The following EPHA7 variants were observed in gnomAD, a reference collection of about 807,000 sequenced individuals.
The protein encoded by EPHA7 is ephrin type-A receptor 7.
EPHA7 carries 25 observed loss-of-function variants against 112.6 expected under a neutral mutation model. The observed-to-expected ratio is 0.22, with a 90% CI of 0.16 to 0.31. The LOEUF is 0.31. Ranked by LOEUF, EPHA7 falls within the 10% of genes least tolerant of loss-of-function variation. EPHA7 has a pLI of 1.00. For missense variants in EPHA7, 962 were observed against 1,212.6 expected (o/e 0.79, Z 3.07); for synonymous variants, 437 against 406.5 (o/e 1.07, Z -0.90).
intron 3 of EPHA7, among the ~76,000 whole-genome samples, chr6:93,393,993 T>C (rs1778038597): frequency 7.2e-6 from 1 of 139,298 alleles, no homozygotes; most frequent in South Asian, 2.3e-4. Context: ...CTTATACAAA[T>C]TATCTCCATA....
intron 5 of EPHA7, among the ~76,000 whole-genome samples, chr6:93,332,022 G>T (rs1372384856): frequency 6.6e-6 from 1 of 151,588 alleles, no homozygotes; most frequent in Non-Finnish European, 1.5e-5. Context: ...ACCTGACATT[G>T]TTAGGTGCTT....
intron 1 of EPHA7, among the ~76,000 whole-genome samples, chr6:93,417,821 C>T (rs376109764): frequency 1.1e-4 from 16 of 152,158 alleles, no homozygotes; most frequent in African/African-American, 3.9e-4. Flanking sequence ...ACGGGGTTCT[C>T]TGAATGGGTT....
rs1007266319 is a variant in EPHA7 at position 93,333,953 on chromosome 6, T to C, written c.1324+22764A>G. On this transcript the variant is annotated intron_variant, in intron 5 of 16. Transcript: ENST00000369303. ...ATAATTAGATAATACCATTTCAAAA[T>C]TCATATGAACCAAAAAAGAGCTGAC... 3.9e-5 allele frequency among the ~76,000 whole-genome samples: 6 copies of C among 152,040 alleles called. No individual in the cohort carries two copies. In the East Asian group the frequency reaches 5.8e-4, roughly 15 times the overall value.
intron 15 of EPHA7, among the ~76,000 whole-genome samples, chr6:93,245,741 T>C (rs538780514): frequency 6.6e-6 from 1 of 152,332 alleles, no homozygotes; most frequent in African/African-American, 2.4e-5. Flanking sequence ...TAATTGTTCA[T>C]TTGCTTTTCC....
At chr6:93,311,873 T>A (rs1773560419) in intron 5 of EPHA7, among the ~76,000 whole-genome samples, 1 of 152,176 alleles carries the variant, frequency 6.6e-6, no homozygotes, top group Non-Finnish European at 1.5e-5. Context: ...TTAGCAGGCA[T>A]GACAATAATA....
At chr6:93,289,749 T>G (rs576612574) in intron 5 of EPHA7, among the ~76,000 whole-genome samples, 1 of 152,242 alleles carries the variant, frequency 6.6e-6, no homozygotes, top group Non-Finnish European at 1.5e-5. Flanking sequence ...ACATTTTGTC[T>G]GCATGCCTAA....
At chr6:93,276,450 C>A (rs1400443611) in intron 5 of EPHA7, among the ~76,000 whole-genome samples, 1 of 152,002 alleles carries the variant, frequency 6.6e-6, no homozygotes, top group Admixed American at 6.6e-5. Context: ...AGTGGATCTT[C>A]CCCAGAGTTT....
At chr6:93,255,743 G>C in intron 13 of EPHA7, 85 bp downstream of exon 13, 1 of 1,231,462 alleles carries the variant, frequency 8.1e-7, no homozygotes, top group Non-Finnish European at 1.2e-6. Context: ...CATTTCTCCT[G>C]TTTAGTTTTA....
chr6:93,348,425 T>C (rs1461429642), intron 5 of EPHA7, among the ~76,000 whole-genome samples: 1 of 151,856 alleles, frequency 6.6e-6, no homozygotes, highest in East Asian at 1.9e-4. Context: ...CTGATCTCTG[T>C]GCTTCTACAT....
intron 3 of EPHA7, among the ~76,000 whole-genome samples, chr6:93,384,277 T>C (rs1342435210): frequency 3.3e-5 from 5 of 152,098 alleles, no homozygotes; most frequent in Admixed American, 3.3e-4. Flanking sequence ...AGCAACAGGA[T>C]CTTAGCTCAG....
Position 93,269,388 on chromosome 6 carries a change from T to C in EPHA7, c.1633+89A>G. On this transcript the variant is annotated intron_variant, in intron 7 of 16. Coordinates refer to ENST00000369303, the MANE Select transcript of EPHA7 (RefSeq NM_004440.4). ...TTATTTGTAAATGTAAAAATTATGATGGTGCAAATGATCACCTCAATATTG... is the reference window on the plus strand; with the variant it reads ...TTATTTGTAAATGTAAAAATTATGACGGTGCAAATGATCACCTCAATATTG... 3 of 988,754 alleles carry C rather than the reference T, an allele frequency of 3.0e-6. No individual in the cohort carries two copies. The South Asian group carries it at 5.7e-5, about 19-fold the overall frequency. The allele number at this position is 988,754 out of a possible 1,614,324, so 61.2% of individuals were successfully genotyped here.
intron 5 of EPHA7, among the ~76,000 whole-genome samples, chr6:93,276,703 ATAAC>A (rs1311538651): frequency 1.3e-5 from 2 of 152,138 alleles, no homozygotes; most frequent in African/African-American, 4.8e-5. Context: ...GCATATTTAA[ATAAC>A]GTGATATTAA....
At chr6:93,352,526 T>C (rs77946184) in intron 5 of EPHA7, among the ~76,000 whole-genome samples, 4,049 of 152,194 alleles carry the variant, frequency 0.027, 179 homozygotes, top group African/African-American at 0.093. Context: ...TCTGAATGAA[T>C]CATTCTTCAG....
chr6:93,356,344 A>T (rs1775945719), intron 5 of EPHA7, among the ~76,000 whole-genome samples: 1 of 151,924 alleles, frequency 6.6e-6, no homozygotes, highest in African/African-American at 2.4e-5. Context: ...AGTAACTGGG[A>T]CTACAGGTGT....
At position 93,259,385 on chromosome 6, in the gene EPHA7, G is replaced by A; in HGVS notation, c.1893C>T (p.Ser631=). The part of the protein sequence containing the change: ...VHQFAKELDA[S]CIKIERVIGA... ...CAATCACACGCTCAATTTTAATACA[G>A]GAGGCATCTAGCTCCTTGGCGAATT... The change falls in exon 10 of 17, where the codon TCC becomes TCT. Residue 631 remains serine, a synonymous_variant. Coordinates refer to ENST00000369303, the MANE Select transcript of EPHA7 (RefSeq NM_004440.4). 1 of 1,612,130 alleles carries A rather than the reference G, an allele frequency of 6.2e-7. No homozygotes were observed. Among genetic ancestry groups the A allele is most frequent in the Non-Finnish European group, 8.5e-7 (1 of 1,178,546 alleles).
intron 3 of EPHA7, among the ~76,000 whole-genome samples, chr6:93,389,176 T>C (rs1582650092): frequency 6.6e-6 from 1 of 152,208 alleles, no homozygotes; most frequent in South Asian, 2.1e-4. Context: ...AGAATAACAA[T>C]TGTAGCTAAC....
intron 5 of EPHA7, among the ~76,000 whole-genome samples, chr6:93,346,966 C>T (rs925967941): frequency 1.3e-5 from 2 of 151,754 alleles, no homozygotes; most frequent in South Asian, 2.1e-4. Flanking sequence ...GCAAAATAAA[C>T]GATCTTCTAT....
intron 5 of EPHA7, among the ~76,000 whole-genome samples, chr6:93,319,736 G>C (rs1037569276): frequency 6.6e-6 from 1 of 152,092 alleles, no homozygotes; most frequent in African/African-American, 2.4e-5. Context: ...CATAGCTGTG[G>C]AAGTGAAGAA....
Position 93,322,420 on chromosome 6 carries a change from TA to T in EPHA7, c.1324+34296del, listed in dbSNP as rs1406623175. 2.6e-5 allele frequency among the ~76,000 whole-genome samples: 4 copies of T among 151,820 alleles called. No individual in the cohort carries two copies. In the East Asian group the frequency reaches 7.7e-4, roughly 29 times the overall value. On this transcript the variant is annotated intron_variant, in intron 5 of 16. Transcript: ENST00000369303. ...CAATTCCTTTTTTTGTCTTGTTTTA[TA>T]AAATATAAAGCCCCCCAGGAAGGCC... is the stretch of plus-strand genomic sequence containing the variant.
Sources: allele counts gnomAD v4.1 joint callset (sites outside exome capture counted in the v4.1 genomes callset), GRCh38; gene constraint gnomAD v4.1.1; transcripts MANE v1.5; gene names NCBI Gene and HGNC (gene_info 2026-07-23, HGNC 2026-07-21).